Variants in CCDC146 observed in about 807,000 individuals in gnomAD.
CCDC146 encodes the protein coiled-coil domain containing 146.
A neutral mutation model predicts 119.3 loss-of-function variants in CCDC146; 92 were observed. That is an observed-to-expected ratio of 0.77 (90% confidence interval 0.65 to 0.92). The LOEUF (loss-of-function observed/expected upper bound fraction) is 0.92, where lower values mean the gene tolerates loss of function less well. Among genes scored for constraint, CCDC146 ranks in the 40% least tolerant of loss-of-function variants. The pLI is 0.00. For synonymous variants in CCDC146, 372 were observed against 371.8 expected, an observed-to-expected ratio of 1.00 and a Z score of -0.01; for missense variants, 1,000 against 1,103.0, an observed-to-expected ratio of 0.91 and a Z score of 1.32.
intron 1 of CCDC146, among the ~76,000 whole-genome samples, chr7:77,138,253 C>T (rs2537502): frequency 0.21 from 29,745 of 138,394 alleles, 3,087 homozygotes; most frequent in African/African-American, 0.24. Flanking sequence ...GAGTAAAAGA[C>T]AGTATTTTCA....
At chr7:77,148,370 T>C (rs1244460276) in intron 1 of CCDC146, among the ~76,000 whole-genome samples, 1 of 152,144 alleles carries the variant, frequency 6.6e-6, no homozygotes, top group African/African-American at 2.4e-5. Context: ...GGTGAGGCGA[T>C]GCCTCACCCT....
At position 77,262,226 on chromosome 7, in the gene CCDC146, A is replaced by G; in HGVS notation, c.1092A>G (p.Leu364=). 1.9e-6 allele frequency: 3 copies of G among 1,614,060 alleles called. No individual in the cohort carries two copies. Among genetic ancestry groups the G allele is most frequent in the Non-Finnish European group, 2.5e-6 (3 of 1,179,986 alleles). Residue 364 remains leucine (L), a synonymous_variant, in exon 9 of 19, where the codon TTA becomes TTG. Coordinates refer to ENST00000285871, the MANE Select transcript of CCDC146 (RefSeq NM_020879.3). ...QREKERDFRN[L]RKMELLLKVS... ...AGAAAGAACGAGATTTTCGAAATTT[A>G]AGAAAGATGGAACTGCTCTTGAAAG... is the stretch of plus-strand genomic sequence containing the variant.
At position 77,216,133 on chromosome 7, in the gene CCDC146, T is replaced by C. The variant is rs186783160; in HGVS notation, c.157-20814T>C. Among the ~76,000 whole-genome samples, 574 of 152,270 alleles carry C rather than the reference T, an allele frequency of 3.8e-3. 6 individuals are homozygous for C. Among genetic ancestry groups the C allele is most frequent in the African/African-American group, 6.8e-3 (282 of 41,578 alleles). ...AGGAAGATTTGTGCTTTTGTTATAATGGTGATTTTTATATTCATACCATTA... is the reference window on the plus strand; with the variant it reads ...AGGAAGATTTGTGCTTTTGTTATAACGGTGATTTTTATATTCATACCATTA... On this transcript the variant is annotated intron_variant, in intron 2 of 18. Coordinates refer to ENST00000285871, the MANE Select transcript of CCDC146 (RefSeq NM_020879.3).
intron 2 of CCDC146, among the ~76,000 whole-genome samples, chr7:77,233,644 A>C (rs1792678338): frequency 6.6e-6 from 1 of 152,190 alleles, no homozygotes; most frequent in Non-Finnish European, 1.5e-5. Context: ...TAAGGAGTGC[A>C]CAACCTAGAT....
chr7:77,286,731 G>T, intron 15 of CCDC146, 67 bp from the exon 16 acceptor site: 1 of 1,538,174 alleles, frequency 6.5e-7, no homozygotes, highest in East Asian at 2.3e-5. Context: ...AAGACCCTAG[G>T]CAATGTGATT....
rs1308641234 is a variant in CCDC146 at position 77,167,683 on chromosome 7, C to T, written c.15C>T (p.Ser5=). MEDS[S]TDTEKEEEEE... ...AATCGTGAAAAATGGAAGACAGTAG[C>T]ACAGACACAGAAAAAGAAGAGGAAG... Residue 5 remains serine, a synonymous_variant, in exon 2 of 19, where the codon AGC becomes AGT. Transcript: ENST00000285871. 5 of 1,594,288 alleles carry T rather than the reference C, an allele frequency of 3.1e-6. No individual in the cohort carries two copies. The highest frequency in any genetic ancestry group is 2.3e-5 in the East Asian group (1 of 44,108).
intron 1 of CCDC146, among the ~76,000 whole-genome samples, chr7:77,145,565 A>G (rs1359888445): frequency 2.6e-5 from 4 of 151,978 alleles, no homozygotes; most frequent in Non-Finnish European, 5.9e-5. Context: ...AGTGCTATAA[A>G]TTTCCCTCTA....
chr7:77,219,439 T>G (rs1792361128), intron 2 of CCDC146, among the ~76,000 whole-genome samples: 1 of 152,210 alleles, frequency 6.6e-6, no homozygotes, highest in South Asian at 2.1e-4. Context: ...ACTGTTAATT[T>G]CTGAATATTC....
intron 2 of CCDC146, among the ~76,000 whole-genome samples, chr7:77,176,640 T>G (rs527596334): frequency 6.6e-6 from 1 of 152,264 alleles, no homozygotes; most frequent in African/African-American, 2.4e-5. Context: ...CTGAAAGAAT[T>G]GCAACTTGAT....
rs2150489248 is a variant in CCDC146, at chr7:77,241,567, A to C, written c.240-124A>C. 3.8e-6 allele frequency: 3 copies of C among 795,716 alleles called. No homozygotes were observed. In the East Asian group the frequency reaches 7.7e-5, roughly 21 times the overall value. The allele number at this position is 795,716 out of a possible 1,614,324, so 49.3% of individuals were successfully genotyped here. A position where few individuals can be genotyped will look rare whatever the true frequency, so the allele number is the denominator to read the frequency against. ...CATGAAGGGTCAACTGACTTGGCAC[A>C]AAAATGTCCCAGAGTTGAGTTGATC... is the stretch of plus-strand genomic sequence containing the variant. On this transcript the variant is annotated intron_variant, in intron 3 of 18. Coordinates refer to ENST00000285871, the MANE Select transcript of CCDC146 (RefSeq NM_020879.3).
At chr7:77,222,739 T>C (rs1792428829) in intron 2 of CCDC146, among the ~76,000 whole-genome samples, 1 of 152,224 alleles carries the variant, frequency 6.6e-6, no homozygotes, top group South Asian at 2.1e-4. Flanking sequence ...GTATGAGAGA[T>C]GCTCTGGTCT....
intron 2 of CCDC146, among the ~76,000 whole-genome samples, chr7:77,204,945 C>A (rs1238108117): frequency 6.6e-6 from 1 of 152,088 alleles, no homozygotes. Flanking sequence ...ATAGTGAGAC[C>A]CTGTCTCTAC....
chr7:77,274,735 G>A, intron 11 of CCDC146, 83 bp downstream of exon 11: 2 of 1,070,550 alleles, frequency 1.9e-6, no homozygotes. Context: ...ATTAGGACAT[G>A]GATGAAGCTA....
chr7:77,266,273 A>AT (rs1266612259), intron 9 of CCDC146, among the ~76,000 whole-genome samples: 6 of 152,170 alleles, frequency 3.9e-5, no homozygotes, highest in Non-Finnish European at 5.9e-5. Flanking sequence ...TTTTCTAGCA[A>AT]TTTCATCTCC....
At chr7:77,280,388 A>G (rs1256378509) in intron 13 of CCDC146, 41 bp from the exon 14 acceptor site, 2 of 1,477,556 alleles carry the variant, frequency 1.4e-6, no homozygotes, top group Non-Finnish European at 1.8e-6. Flanking sequence ...AATAAACTAA[A>G]GAAAATTATA....
intron 2 of CCDC146, among the ~76,000 whole-genome samples, chr7:77,226,570 TTATCTC>T (rs768575295): frequency 2.0e-5 from 3 of 152,246 alleles, no homozygotes; most frequent in Non-Finnish European, 2.9e-5. Context: ...TTTTTAAACT[TTATCTC>T]TAGAGTAAAT....
intron 2 of CCDC146, chr7:77,199,979 T>TA: frequency 1.7e-6 from 1 of 574,982 alleles, no homozygotes; most frequent in Non-Finnish European, 3.0e-6. Context: ...AACTGTAACT[T>TA]ACTCTCAATA....
At chr7:77,169,405 T>C (rs572186100) in intron 2 of CCDC146, among the ~76,000 whole-genome samples, 2 of 152,370 alleles carry the variant, frequency 1.3e-5, no homozygotes, top group African/African-American at 2.4e-5. Context: ...GAAGAGATAC[T>C]CTGAGACTAT....
At chr7:77,133,127 C>G (rs188581357) in intron 1 of CCDC146, among the ~76,000 whole-genome samples, 1 of 151,764 alleles carries the variant, frequency 6.6e-6, no homozygotes, top group African/African-American at 2.4e-5. Context: ...ACCGAGATCA[C>G]GCCACTGCAC....
Sources: gnomAD v4.1 joint callset for allele counts (sites outside exome capture counted in the v4.1 genomes callset) on GRCh38, gnomAD v4.1.1 for gene constraint, MANE v1.5 for transcripts, NCBI Gene and HGNC (gene_info 2026-07-23, HGNC 2026-07-21) for gene names.